Variants in ZFR observed in about 807,000 individuals in gnomAD.
ZFR encodes zinc finger RNA binding protein, also known as zinc finger RNA-binding protein.
In ZFR, 19 loss-of-function variants were observed where a neutral mutation model predicts 130.7. The observed-to-expected ratio is 0.15, with a 90% CI of 0.10 to 0.21. The LOEUF is 0.21. ZFR is among the 10% of genes least tolerant of loss of function. The pLI is 1.00. For missense variants in ZFR, 872 were observed against 1,321.5 expected (o/e 0.66, Z 5.27); for synonymous variants, 466 against 456.9 (o/e 1.02, Z -0.25).
chr5:32,369,326 T>C (rs1030193124), intron 17 of ZFR, among the ~76,000 whole-genome samples: 2 of 152,156 alleles, frequency 1.3e-5, no homozygotes, highest in Non-Finnish European at 2.9e-5. Flanking sequence ...CCACCACCAC[T>C]AAAATCTGTA....
intron 13 of ZFR, 36 bp from the exon 14 acceptor site, chr5:32,387,735 T>C (rs1242902029): frequency 6.4e-7 from 1 of 1,567,938 alleles, no homozygotes; most frequent in South Asian, 1.2e-5. Context: ...GATATTTCTC[T>C]GCTTAACCAG....
intron 9 of ZFR, among the ~76,000 whole-genome samples, chr5:32,399,749 TAG>T (rs901043582): frequency 7.9e-5 from 12 of 152,152 alleles, no homozygotes; most frequent in African/African-American, 2.9e-4. Flanking sequence ...TGCTAGTAAA[TAG>T]AAAGTTACTT....
intron 2 of ZFR, among the ~76,000 whole-genome samples, chr5:32,435,632 T>G (rs191729843): frequency 6.6e-6 from 1 of 152,344 alleles, no homozygotes; most frequent in East Asian, 1.9e-4. Context: ...GGTTATTGTT[T>G]AAACAGTTTT....
At position 32,425,519 on chromosome 5, in the gene ZFR, T is replaced by C. The variant is rs1828185; in HGVS notation, c.138-5416A>G. On this transcript the variant is annotated intron_variant, in intron 2 of 19. Transcript: ENST00000265069. ...TTTTCATAAGCATATTTTTGGTTAA[T>C]GTGTAATACTTTTACTCTTTCTTTT... is the stretch of plus-strand genomic sequence containing the variant. Among the ~76,000 whole-genome samples, 762 of 152,358 alleles carry C rather than the reference T, an allele frequency of 5.0e-3. 11 individuals are homozygous for C. Among genetic ancestry groups the C allele is most frequent in the African/African-American group, 0.017 (723 of 41,590 alleles).
intron 10 of ZFR, 87 bp from the exon 11 acceptor site, chr5:32,395,391 A>C (rs1007448393): frequency 1.8e-6 from 2 of 1,129,150 alleles, no homozygotes. Context: ...CTTATTCTTT[A>C]ATCACGGAGG....
chr5:32,391,603 T>C (rs1753179493), intron 11 of ZFR, among the ~76,000 whole-genome samples: 1 of 150,774 alleles, frequency 6.6e-6, no homozygotes, highest in South Asian at 2.1e-4. Context: ...CAAACTAGGA[T>C]ACCAATAATT....
At chr5:32,397,644 T>G (rs1046020685) in intron 9 of ZFR, among the ~76,000 whole-genome samples, 2 of 152,054 alleles carry the variant, frequency 1.3e-5, no homozygotes, top group Non-Finnish European at 2.9e-5. Flanking sequence ...GTATTTTTAG[T>G]AGAGACAGGG....
chr5:32,442,072 T>C (rs1402663712), intron 2 of ZFR, among the ~76,000 whole-genome samples: 2 of 152,224 alleles, frequency 1.3e-5, no homozygotes, highest in African/African-American at 4.8e-5. Context: ...TTTCCTTTCT[T>C]CATTTCTATC....
At chr5:32,388,804 T>C (rs1753096931) in intron 12 of ZFR, 130 bp from the exon 13 acceptor site, 4 of 912,888 alleles carry the variant, frequency 4.4e-6, no homozygotes, top group Non-Finnish European at 6.5e-6. Flanking sequence ...TCCATTTCAG[T>C]AAAAACGAAA....
intron 19 of ZFR, among the ~76,000 whole-genome samples, chr5:32,358,418 T>TG (rs1244082233): frequency 2.6e-5 from 4 of 152,002 alleles, no homozygotes; most frequent in African/African-American, 9.7e-5. Flanking sequence ...CCTAGCACTT[T>TG]GGGAGGCCTA....
intron 17 of ZFR, among the ~76,000 whole-genome samples, chr5:32,370,366 A>G (rs867818493): frequency 7.1e-4 from 106 of 150,318 alleles, no homozygotes; most frequent in East Asian, 3.1e-3. Context: ...AGACAGACAG[A>G]CAGGCAGGCA....
intron 6 of ZFR, 58 bp from the exon 7 acceptor site, chr5:32,404,155 T>C (rs1283444349): frequency 9.0e-6 from 13 of 1,438,284 alleles, no homozygotes; most frequent in Non-Finnish European, 1.2e-5. Flanking sequence ...ACATTAAGAT[T>C]ATTCAATTCT....
chr5:32,382,099 C>T (rs530261698), intron 15 of ZFR, among the ~76,000 whole-genome samples: 79 of 152,116 alleles, frequency 5.2e-4, no homozygotes, highest in Middle Eastern at 3.4e-3. Flanking sequence ...GTAGGGAGTT[C>T]GAGACCAGCC....
At chr5:32,356,158 A>T (rs1752302519) in intron 19 of ZFR, among the ~76,000 whole-genome samples, 1 of 143,452 alleles carries the variant, frequency 7.0e-6, no homozygotes, top group Non-Finnish European at 1.6e-5. Flanking sequence ...AACATTAAGT[A>T]AAAAAAAAAC....
chr5:32,400,242 T>G, intron 8 of ZFR, 39 bp from the exon 9 acceptor site: 1 of 1,447,922 alleles, frequency 6.9e-7, no homozygotes, highest in Non-Finnish European at 9.2e-7. Context: ...ATTTTATTTT[T>G]GTATAAATAT....
At position 32,414,953 on chromosome 5, in the gene ZFR, A is replaced by C; in HGVS notation, c.784+16T>G. The C allele has an allele frequency of 6.3e-7, 1 of 1,599,920 alleles. No homozygotes were observed. The highest frequency in any genetic ancestry group is 8.5e-7 in the Non-Finnish European group (1 of 1,169,854). On this transcript the variant is annotated intron_variant, in intron 5 of 19. Coordinates refer to ENST00000265069, the MANE Select transcript of ZFR (RefSeq NM_016107.5). ...CTAATTTGTTTACTCATTTAAACAC[A>C]GTTTATCAGTCTTACCAGAATATGT...
At chr5:32,441,516 T>TG (rs763282246) in intron 2 of ZFR, among the ~76,000 whole-genome samples, 38 of 135,692 alleles carry the variant, frequency 2.8e-4, no homozygotes, top group East Asian at 1.0e-3. Flanking sequence ...CAAATTTGAT[T>TG]GGAAAAAAAA....
At chr5:32,418,773 T>C (rs1189687244) in intron 3 of ZFR, among the ~76,000 whole-genome samples, 1 of 152,162 alleles carries the variant, frequency 6.6e-6, no homozygotes, top group Admixed American at 6.5e-5. Flanking sequence ...AGAAAGAATA[T>C]AGCAAAACCA....
At chr5:32,366,854 G>C (rs1005301086) in intron 17 of ZFR, among the ~76,000 whole-genome samples, 4 of 150,730 alleles carry the variant, frequency 2.7e-5, no homozygotes, top group African/African-American at 9.7e-5. Context: ...ATCAAGGATT[G>C]TAATATTTGC....
Sources: gnomAD v4.1 joint callset for allele counts (sites outside exome capture counted in the v4.1 genomes callset) on GRCh38, gnomAD v4.1.1 for gene constraint, MANE v1.5 for transcripts, NCBI Gene and HGNC (gene_info 2026-07-23, HGNC 2026-07-21) for gene names.